FANCD2: variants seen among roughly 807,000 people sequenced by gnomAD.
FANCD2 encodes the protein Fanconi anemia group D2 protein.
Under a neutral mutation model 192.3 loss-of-function variants are expected in FANCD2, and 131 were observed. That is an observed-to-expected ratio of 0.68 (90% CI 0.59 to 0.79). The LOEUF (loss-of-function observed/expected upper bound fraction) is 0.79, where lower values mean the gene tolerates loss of function less well. Ranked by LOEUF, FANCD2 falls within the 30% of genes least tolerant of loss-of-function variation. FANCD2 has a pLI of 0.00. For synonymous variants in FANCD2, 524 were observed against 612.5 expected (o/e 0.86, Z 2.13); for missense variants, 1,508 against 1,701.6 (o/e 0.89, Z 2.00).
intron 14 of FANCD2, among the ~76,000 whole-genome samples, 177 bp downstream of exon 14, chr3:10,044,041 A>C (rs1175444661): frequency 6.6e-6 from 1 of 152,214 alleles, no homozygotes; most frequent in African/African-American, 2.4e-5. Context: ...GCGACTGGCC[A>C]GATAGCCTGC....
chr3:10,094,985 T>C lies in FANCD2; in HGVS notation c.3964-215T>C, dbSNP rs545808241. 2.4e-5 allele frequency: 14 copies of C among 577,168 alleles called. 1 individual carries two copies. Among genetic ancestry groups the C allele is most frequent in the East Asian group, 2.0e-4 (7 of 34,444 alleles). 35.8% of individuals were successfully genotyped at this position (577,168 alleles called of 1,614,324 possible). A position where few individuals can be genotyped will look rare whatever the true frequency, so the allele number is the denominator to read the frequency against. Reference sequence around the variant, plus strand: ...ATGTAAAACTAAAATGCAGGTCTTATAACTCTCAGATTGATACAAGGGACA... The same window carrying C: ...ATGTAAAACTAAAATGCAGGTCTTACAACTCTCAGATTGATACAAGGGACA... On this transcript the variant is annotated intron_variant, in intron 40 of 43. Transcript: ENST00000675286.
rs766192092 is a variant in FANCD2, at chr3:10,087,203, C to T, written c.3405C>T (p.Ile1135=). The change falls in exon 34 of 44, where the codon ATC becomes ATT. Residue 1135 remains isoleucine, a synonymous_variant. Transcript: ENST00000675286. The part of the protein sequence containing the change: ...IPSFQCALYL[I]RLLMVILEKS... The stretch of plus-strand genomic sequence containing the variant: ...GTTTCCAGTGTGCTCTTTATCTCAT[C>T]AGACTTTTGATGGTTATTTTGGAGA... The T allele has an allele frequency of 1.9e-6, 3 of 1,612,502 alleles. No homozygotes were observed. In the East Asian group the frequency reaches 6.7e-5, roughly 36 times the overall value.
Position 10,042,960 on chromosome 3 carries a change from C to G in FANCD2, c.889-90C>G, listed in dbSNP as rs139958117. The G allele has an allele frequency of 4.2e-4, 499 of 1,188,142 alleles. No homozygotes were observed. The African/African-American group carries it at 6.1e-3, about 14-fold the overall frequency. 73.6% of individuals were successfully genotyped at this position (1,188,142 alleles called of 1,614,324 possible). On this transcript the variant is annotated intron_variant, in intron 11 of 43. Coordinates refer to ENST00000675286, the MANE Select transcript of FANCD2 (RefSeq NM_001018115.3). Reference sequence around the variant, plus strand: ...CATTTAAATTTTTTTCTTCCTCAGTCTTTCAGGAGATTGTCATGGTAGAGA... The same window carrying G: ...CATTTAAATTTTTTTCTTCCTCAGTGTTTCAGGAGATTGTCATGGTAGAGA...
intron 2 of FANCD2, among the ~76,000 whole-genome samples, chr3:10,031,232 G>A (rs1252903065): frequency 5.9e-5 from 9 of 151,924 alleles, no homozygotes; most frequent in East Asian, 3.9e-4. Flanking sequence ...GGCCAGGCAC[G>A]GTGGCTCACG....
intron 2 of FANCD2, 132 bp from the exon 3 acceptor site, chr3:10,032,700 T>G (rs1319061386): frequency 1.9e-5 from 14 of 745,634 alleles, no homozygotes; most frequent in Non-Finnish European, 2.8e-5. Context: ...ACAGTTTATT[T>G]CACTACAGCA....
intron 18 of FANCD2, among the ~76,000 whole-genome samples, chr3:10,059,174 T>G (rs948656233): frequency 6.6e-6 from 1 of 151,940 alleles, no homozygotes; most frequent in African/African-American, 2.4e-5. Flanking sequence ...CCACCACAGC[T>G]GGCTAATTTT....
chr3:10,041,689 T>C lies in FANCD2; in HGVS notation c.762T>C (p.Leu254=). 6.2e-7 allele frequency: 1 copy of C among 1,613,830 alleles called. No homozygotes were observed. The highest frequency in any genetic ancestry group is 1.1e-5 in the South Asian group (1 of 91,072). Residue 254 remains leucine, a synonymous_variant, in exon 10 of 44, where the codon CTT becomes CTC. Coordinates refer to ENST00000675286, the MANE Select transcript of FANCD2 (RefSeq NM_001018115.3). ...TGGATGTCCTTTCAAGCCTCCGACT[T>C]GACCCAAACTTCCTATTGAAGGTAG... The part of the protein sequence containing the change: ...PILDVLSSLR[L]DPNFLLKVRQ...
chr3:10,038,136 G>A (rs1371621224), intron 7 of FANCD2, among the ~76,000 whole-genome samples: 1 of 151,706 alleles, frequency 6.6e-6, no homozygotes, highest in African/African-American at 2.4e-5. Context: ...GATTACAGGT[G>A]TGCGCCACCA....
intron 18 of FANCD2, among the ~76,000 whole-genome samples, chr3:10,056,104 C>T (rs1416070972): frequency 2.0e-5 from 3 of 152,216 alleles, no homozygotes; most frequent in South Asian, 2.1e-4. Flanking sequence ...GTCTTGAACT[C>T]CTCACCTCAG....
intron 9 of FANCD2, chr3:10,041,257 G>C (rs1157476466): frequency 3.9e-6 from 1 of 258,760 alleles, no homozygotes; most frequent in South Asian, 4.3e-5. Flanking sequence ...ACTATGTTGT[G>C]CTCCTGTAGC....
At chr3:10,026,546 C>T (rs2086455379) in intron 1 of FANCD2, 73 bp downstream of exon 1, 1 of 428,378 alleles carries the variant, frequency 2.3e-6, no homozygotes, top group South Asian at 9.7e-5. Flanking sequence ...AAGTCCGGGC[C>T]GCGGTCGGCG....
At chr3:10,097,273 A>T (rs1304783983) in intron 42 of FANCD2, among the ~76,000 whole-genome samples, 1 of 152,208 alleles carries the variant, frequency 6.6e-6, no homozygotes, top group Non-Finnish European at 1.5e-5. Context: ...CAGGGTTTTG[A>T]GATCAACAGG....
Position 10,101,449 on chromosome 3 carries a change from A to G in FANCD2, c.*187A>G. 2 of 547,884 alleles carry G rather than the reference A, an allele frequency of 3.7e-6. No individual in the cohort carries two copies. Among genetic ancestry groups the G allele is most frequent in the East Asian group, 3.0e-5 (1 of 32,788 alleles). The allele number at this position is 547,884 out of a possible 1,614,324, so 33.9% of individuals were successfully genotyped here. ...TTCCCAGGCTGGAGTGCAGTGCTGCAATCTTGGCTCACTGCAACCTCCATC... is the reference window on the plus strand; with the variant it reads ...TTCCCAGGCTGGAGTGCAGTGCTGCGATCTTGGCTCACTGCAACCTCCATC... On this transcript the variant is annotated 3_prime_UTR_variant, in exon 44 of 44. Coordinates refer to ENST00000675286, the MANE Select transcript of FANCD2 (RefSeq NM_001018115.3).
chr3:10,074,762 T>A (rs1380715406), intron 29 of FANCD2, 89 bp downstream of exon 29: 7 of 1,270,836 alleles, frequency 5.5e-6, no homozygotes, highest in Non-Finnish European at 7.9e-6. Context: ...ACTGTGACAC[T>A]GAGGAGAGAA....
At chr3:10,094,610 A>G (rs1694844040) in intron 40 of FANCD2, among the ~76,000 whole-genome samples, 1 of 151,642 alleles carries the variant, frequency 6.6e-6, no homozygotes, top group African/African-American at 2.4e-5. Context: ...TTTTAGCTTG[A>G]TTTTATTGTG....
intron 29 of FANCD2, among the ~76,000 whole-genome samples, 190 bp from the exon 30 acceptor site, chr3:10,077,891 G>T (rs1319891576): frequency 1.3e-5 from 2 of 151,924 alleles, no homozygotes; most frequent in African/African-American, 4.8e-5. Flanking sequence ...AAATGTAGCT[G>T]GGCATGGTTG....
chr3:10,041,796 T>C, intron 10 of FANCD2, 86 bp downstream of exon 10: 1 of 908,602 alleles, frequency 1.1e-6, no homozygotes, highest in Non-Finnish European at 1.9e-6. Context: ...TTGGGAGTAA[T>C]GAATATTTCA....
intron 25 of FANCD2, 117 bp from the exon 26 acceptor site, chr3:10,067,092 C>T (rs1324941222): frequency 2.7e-5 from 20 of 744,594 alleles, no homozygotes; most frequent in Non-Finnish European, 4.7e-5. Flanking sequence ...AGTTCTATTA[C>T]AGACTAAACT....
chr3:10,095,918 G>A (rs937570191), intron 41 of FANCD2, among the ~76,000 whole-genome samples: 1 of 103,648 alleles, frequency 9.6e-6, no homozygotes, highest in Non-Finnish European at 1.8e-5. Flanking sequence ...GTCTCGCTTT[G>A]TAGCCCAGGC....
Sources: gnomAD v4.1 joint callset for allele counts (sites outside exome capture counted in the v4.1 genomes callset) on GRCh38, gnomAD v4.1.1 for gene constraint, MANE v1.5 for transcripts, NCBI Gene and HGNC (gene_info 2026-07-23, HGNC 2026-07-21) for gene names.